ATP8A1: variants seen among roughly 807,000 people sequenced by gnomAD.
ATP8A1 encodes phospholipid-transporting ATPase IA.
A neutral mutation model predicts 177.7 loss-of-function variants in ATP8A1; 90 were observed. The ratio of observed to expected loss-of-function variants is 0.51; its 90% CI spans 0.43 to 0.60. ATP8A1 has a LOEUF of 0.60. Among genes scored for constraint, ATP8A1 ranks in the 20% least tolerant of loss-of-function variants. ATP8A1 has a pLI of 0.00. For synonymous variants in ATP8A1, 493 were observed against 485.9 expected, an observed-to-expected ratio of 1.01 and a Z score of -0.19; for missense variants, 1,072 against 1,392.8, an observed-to-expected ratio of 0.77 and a Z score of 3.67.
chr4:42,591,271 A>C (rs1734144282), intron 6 of ATP8A1, among the ~76,000 whole-genome samples: 1 of 152,114 alleles, frequency 6.6e-6, no homozygotes, highest in African/African-American at 2.4e-5. Context: ...GTACCAAAAA[A>C]GGAAGAAAAT....
chr4:42,560,882 T>C (rs1730748208), intron 15 of ATP8A1, among the ~76,000 whole-genome samples: 1 of 152,016 alleles, frequency 6.6e-6, no homozygotes, highest in Non-Finnish European at 1.5e-5. Flanking sequence ...AAAACCACAA[T>C]TACTTTTGCA....
chr4:42,487,962 A>G (rs1163986327), intron 24 of ATP8A1, among the ~76,000 whole-genome samples: 1 of 152,026 alleles, frequency 6.6e-6, no homozygotes, highest in Non-Finnish European at 1.5e-5. Context: ...GGATGGGGGG[A>G]GAGTAGCTGT....
chr4:42,507,805 A>C (rs1373445742), intron 22 of ATP8A1, among the ~76,000 whole-genome samples: 1 of 146,394 alleles, frequency 6.8e-6, no homozygotes, highest in Non-Finnish European at 1.5e-5. Context: ...AAAAAAAAAA[A>C]AAAACATACA....
At chr4:42,436,244 C>T (rs1391491812) in intron 33 of ATP8A1, among the ~76,000 whole-genome samples, 1 of 152,104 alleles carries the variant, frequency 6.6e-6, no homozygotes, top group Non-Finnish European at 1.5e-5. Context: ...CAAAGGGATC[C>T]TTGAGGACAA....
intron 33 of ATP8A1, among the ~76,000 whole-genome samples, chr4:42,443,242 AT>A (rs1716824287): frequency 6.6e-6 from 1 of 152,224 alleles, no homozygotes; most frequent in African/African-American, 2.4e-5. Context: ...ATCAAAATGT[AT>A]TTGTGGCTTT....
At chr4:42,481,875 G>C (rs1264629874) in intron 25 of ATP8A1, among the ~76,000 whole-genome samples, 1 of 152,210 alleles carries the variant, frequency 6.6e-6, no homozygotes, top group Non-Finnish European at 1.5e-5. Context: ...AGGGAGTAGA[G>C]GGGAAGAAGA....
intron 4 of ATP8A1, among the ~76,000 whole-genome samples, chr4:42,619,213 T>C (rs1470355441): frequency 6.6e-6 from 1 of 152,118 alleles, no homozygotes. Context: ...ATAAGCTCCA[T>C]CACGGCTAGT....
At chr4:42,615,994 G>GT (rs1736872660) in intron 5 of ATP8A1, 39 bp downstream of exon 5, 2 of 1,564,332 alleles carry the variant, frequency 1.3e-6, no homozygotes, top group Non-Finnish European at 8.8e-7. Context: ...CTACAAGTAG[G>GT]TTTGACAAAT....
intron 23 of ATP8A1, among the ~76,000 whole-genome samples, chr4:42,503,791 T>C (rs948947419): frequency 1.3e-5 from 2 of 152,128 alleles, no homozygotes; most frequent in African/African-American, 2.4e-5. Flanking sequence ...ACAAATGGAT[T>C]TGTAATACAC....
At chr4:42,490,822 T>G (rs957498711) in intron 24 of ATP8A1, among the ~76,000 whole-genome samples, 8 of 152,206 alleles carry the variant, frequency 5.3e-5, no homozygotes, top group Non-Finnish European at 8.8e-5. Flanking sequence ...AATACCTCTA[T>G]CTTTTGGATC....
intron 27 of ATP8A1, among the ~76,000 whole-genome samples, chr4:42,462,709 C>T (rs1193302153): frequency 1.3e-5 from 2 of 152,244 alleles, no homozygotes; most frequent in Non-Finnish European, 2.9e-5. Context: ...AAGAGGGCCA[C>T]TGTCCTCCAG....
intron 23 of ATP8A1, 137 bp from the exon 24 acceptor site, chr4:42,503,651 T>G: frequency 1.7e-6 from 1 of 572,126 alleles, no homozygotes; most frequent in South Asian, 3.1e-5. Context: ...TTTCCAGGTT[T>G]GTAGGAAGTT....
chr4:42,472,067 G>GT (rs1387933655), intron 25 of ATP8A1: 2 of 720,290 alleles, frequency 2.8e-6, no homozygotes, highest in African/African-American at 3.5e-5. Flanking sequence ...TGGAGAAAAA[G>GT]TTCAGTGGGA....
chr4:42,516,031 C>A (rs764527297), intron 22 of ATP8A1, among the ~76,000 whole-genome samples: 5 of 152,164 alleles, frequency 3.3e-5, no homozygotes, highest in Admixed American at 6.5e-5. Context: ...TAATAGGGGG[C>A]AGGCTTTCAT....
At chr4:42,540,903 C>T (rs1156765041) in intron 20 of ATP8A1, among the ~76,000 whole-genome samples, 1 of 152,086 alleles carries the variant, frequency 6.6e-6, no homozygotes, top group Non-Finnish European at 1.5e-5. Flanking sequence ...CTATACTCCA[C>T]AAAAGATGTA....
Position 42,636,320 on chromosome 4 carries a change from T to C in ATP8A1, c.50-9211A>G, listed in dbSNP as rs1161419511. 3.3e-5 allele frequency among the ~76,000 whole-genome samples: 5 copies of C among 152,044 alleles called. No individual in the cohort carries two copies. The East Asian group carries it at 9.6e-4, about 29-fold the overall frequency. ...CTGCAGTGACAAAAGAGGCTTGAAA[T>C]CCCATGTTCTGCATTGTTAGAGCAG... On this transcript the variant is annotated intron_variant, in intron 1 of 36. Transcript: ENST00000381668.
intron 17 of ATP8A1, 107 bp downstream of exon 17, chr4:42,552,398 T>C: frequency 1.1e-6 from 1 of 884,430 alleles, no homozygotes; most frequent in Non-Finnish European, 1.7e-6. Flanking sequence ...AAATAAAAAT[T>C]TTTATCTAAA....
Position 42,590,808 on chromosome 4 carries a change from A to T in ATP8A1, c.524+3T>A, listed in dbSNP as rs556745827. Reference sequence around the variant, plus strand: ...GCATCCTATACGACTCAGTGGTTCTAACCTTGAGGACAGACTGATGAGATC... The same window carrying T: ...GCATCCTATACGACTCAGTGGTTCTTACCTTGAGGACAGACTGATGAGATC... On this transcript the variant is annotated splice_donor_region_variant and intron_variant, in intron 7 of 36. Transcript: ENST00000381668. The T allele has an allele frequency of 1.1e-4, 184 of 1,613,848 alleles. 1 individual carries two copies. The Admixed American group carries it at 3.0e-3, about 26-fold the overall frequency.
At chr4:42,509,856 A>G (rs1343048376) in intron 22 of ATP8A1, among the ~76,000 whole-genome samples, 1 of 151,054 alleles carries the variant, frequency 6.6e-6, no homozygotes, top group African/African-American at 2.5e-5. Context: ...TCTCAAAAAA[A>G]AAAAAAAAAA....
Sources: allele counts gnomAD v4.1 joint callset (sites outside exome capture counted in the v4.1 genomes callset), GRCh38; gene constraint gnomAD v4.1.1; transcripts MANE v1.5; gene names NCBI Gene and HGNC (gene_info 2026-07-23, HGNC 2026-07-21).